The following ZNF423 variants were observed in gnomAD, a reference collection of about 807,000 sequenced individuals.
The protein encoded by ZNF423 is Ebf-associated zinc finger protein.
In ZNF423, 12 loss-of-function variants were observed where a neutral mutation model predicts 95.8. The observed-to-expected ratio is 0.13, with a 90% confidence interval of 0.08 to 0.20. ZNF423 has a LOEUF of 0.20. Ranked by LOEUF, ZNF423 falls within the 10% of genes least tolerant of loss-of-function variation. ZNF423 has a pLI of 1.00. For synonymous variants in ZNF423, 749 were observed against 711.9 expected (o/e 1.05, Z -0.83); for missense variants, 1,316 against 1,737.1 (o/e 0.76, Z 4.31).
At chr16:49,536,876 AG>A (rs559455453) in intron 5 of ZNF423, among the ~76,000 whole-genome samples, 64 of 152,362 alleles carry the variant, frequency 4.2e-4, no homozygotes, top group Non-Finnish European at 1.3e-4. Context: ...AATACAGGCA[AG>A]GTGAGGGCAG....
intron 1 of ZNF423, chr16:49,854,966 G>A: frequency 1.0e-6 from 1 of 984,872 alleles, no homozygotes. Context: ...GTCAGATCCG[G>A]GGCGCCCTCC....
chr16:49,779,415 A>AC (rs987410601), intron 2 of ZNF423, among the ~76,000 whole-genome samples: 1 of 152,056 alleles, frequency 6.6e-6, no homozygotes, highest in Admixed American at 6.5e-5. Flanking sequence ...CAGTCTATGG[A>AC]CCAGCAGCAT....
intron 5 of ZNF423, among the ~76,000 whole-genome samples, chr16:49,540,438 C>T (rs931211474): frequency 2.0e-5 from 3 of 149,616 alleles, no homozygotes; most frequent in African/African-American, 7.5e-5. Flanking sequence ...CCATGCCCCA[C>T]TCATTTTTTT....
intron 5 of ZNF423, among the ~76,000 whole-genome samples, chr16:49,564,545 G>T (rs937983543): frequency 2.6e-5 from 4 of 152,194 alleles, no homozygotes; most frequent in African/African-American, 9.7e-5. Flanking sequence ...GTTGTAGCCA[G>T]GGGAAAGCGA....
chr16:49,566,046 C>A (rs1291886713), intron 5 of ZNF423, among the ~76,000 whole-genome samples: 2 of 152,136 alleles, frequency 1.3e-5, no homozygotes, highest in Non-Finnish European at 2.9e-5. Flanking sequence ...TCTTTGCAAA[C>A]CCCCTGGTGG....
chr16:49,833,336 G>C (rs2035081385), intron 1 of ZNF423, among the ~76,000 whole-genome samples: 1 of 152,220 alleles, frequency 6.6e-6, no homozygotes, highest in Admixed American at 6.5e-5. Flanking sequence ...CATGCGCCCA[G>C]CTCCAGACCC....
At chr16:49,615,721 G>C (rs549826384) in intron 5 of ZNF423, among the ~76,000 whole-genome samples, 37 of 152,136 alleles carry the variant, frequency 2.4e-4, no homozygotes, top group Admixed American at 9.2e-4. Flanking sequence ...GGCTCCTCTA[G>C]GCACCAGGAG....
chr16:49,679,123 G>A (rs1208963667), intron 3 of ZNF423, among the ~76,000 whole-genome samples: 1 of 152,202 alleles, frequency 6.6e-6, no homozygotes, highest in Non-Finnish European at 1.5e-5. Context: ...TTTTTGTTCA[G>A]TATACACAGG....
intron 5 of ZNF423, among the ~76,000 whole-genome samples, chr16:49,624,475 C>T (rs1972191696): frequency 6.6e-6 from 1 of 152,138 alleles, no homozygotes; most frequent in Non-Finnish European, 1.5e-5. Context: ...ATCACTTGAA[C>T]CTGCGAGGCG....
chr16:49,575,316 A>G (rs1200595438), intron 5 of ZNF423, among the ~76,000 whole-genome samples: 1 of 152,168 alleles, frequency 6.6e-6, no homozygotes, highest in Non-Finnish European at 1.5e-5. Context: ...TCATGTAATA[A>G]TTCCACGGGG....
chr16:49,802,667 T>G (rs559885348), intron 1 of ZNF423, among the ~76,000 whole-genome samples: 1 of 144,874 alleles, frequency 6.9e-6, no homozygotes, highest in South Asian at 2.4e-4. Flanking sequence ...CCACCTGCCC[T>G]GCCTAGGCTT....
chr16:49,648,096 T>C (rs966971297), intron 3 of ZNF423, among the ~76,000 whole-genome samples: 2 of 152,184 alleles, frequency 1.3e-5, no homozygotes, highest in Non-Finnish European at 2.9e-5. Context: ...CTTTAGGAAA[T>C]ATCTAAATCA....
intron 5 of ZNF423, among the ~76,000 whole-genome samples, chr16:49,623,044 G>A (rs1972138997): frequency 6.6e-6 from 1 of 152,080 alleles, no homozygotes; most frequent in African/African-American, 2.4e-5. Flanking sequence ...GGCTCGGGGA[G>A]GGCAGGCAGG....
intron 3 of ZNF423, among the ~76,000 whole-genome samples, chr16:49,656,663 GA>G (rs2151909880): frequency 6.6e-6 from 1 of 152,266 alleles, no homozygotes; most frequent in African/African-American, 2.4e-5. Context: ...ATAATTAATA[GA>G]TTATACTTTG....
At position 49,603,931 on chromosome 16, in the gene ZNF423, A is replaced by G. The variant is rs550932767; in HGVS notation, c.3601+22239T>C. Among the ~76,000 whole-genome samples the G allele has an allele frequency of 2.0e-5, 3 of 152,250 alleles. No individual in the cohort carries two copies. Among genetic ancestry groups the G allele is most frequent in the Non-Finnish European group, 4.4e-5 (3 of 68,004 alleles). ...GGGTAGGGCTTGGAGAGCCCTGGGG[A>G]CAGGCAAGGGCACAAGGATGCCAGA... On this transcript the variant is annotated intron_variant, in intron 5 of 7. Transcript: ENST00000563137. This position sits in a 1 kb window ranked among gnomAD's most constrained non-coding sequence, Gnocchi z 4.1.
intron 1 of ZNF423, among the ~76,000 whole-genome samples, chr16:49,852,113 G>T (rs1356738822): frequency 6.6e-6 from 1 of 151,978 alleles, no homozygotes; most frequent in East Asian, 1.9e-4. Context: ...GGAAACACGC[G>T]CAGTGTTCCC....
chr16:49,519,431 A>G (rs2356381), intron 7 of ZNF423, among the ~76,000 whole-genome samples: 27,056 of 152,174 alleles, frequency 0.18, 2,687 homozygotes, highest in East Asian at 0.24. Flanking sequence ...TCCCGCCCTC[A>G]CCAACTCTCA....
At chr16:49,502,941 CACAT>C (rs1168719149) in intron 7 of ZNF423, among the ~76,000 whole-genome samples, 10 of 143,688 alleles carry the variant, frequency 7.0e-5, no homozygotes, top group East Asian at 2.1e-4. Flanking sequence ...CACACACACA[CACAT>C]GGATGCCCCA....
At chr16:49,505,215 G>A (rs1322526792) in intron 7 of ZNF423, among the ~76,000 whole-genome samples, 2 of 152,168 alleles carry the variant, frequency 1.3e-5, no homozygotes, top group Admixed American at 6.6e-5. Context: ...GAGCTGGGAT[G>A]GAGTACTTGA....
Sources: allele counts gnomAD v4.1 joint callset (sites outside exome capture counted in the v4.1 genomes callset), GRCh38; gene constraint gnomAD v4.1.1; non-coding constraint Gnocchi (gnomAD v3.1); transcripts MANE v1.5; gene names NCBI Gene and HGNC (gene_info 2026-07-23, HGNC 2026-07-21).